Variants in ULK4 observed in about 807,000 individuals in gnomAD.
ULK4 encodes the protein unc-51 like kinase 4, also known as inactive serine/threonine-protein kinase ULK4.
In ULK4, 133 loss-of-function variants were observed where a neutral mutation model predicts 160.6. The observed-to-expected ratio is 0.83, with a 90% CI of 0.72 to 0.96. The LOEUF (loss-of-function observed/expected upper bound fraction) is 0.96, where lower values mean the gene tolerates loss of function less well. Ranked by LOEUF, ULK4 falls within the 40% of genes least tolerant of loss-of-function variation. ULK4 has a pLI of 0.00. For missense variants in ULK4, 1,580 were observed against 1,499.5 expected (o/e 1.05, Z -0.89); for synonymous variants, 534 against 539.8 (o/e 0.99, Z 0.15).
At position 41,279,572 on chromosome 3, in the gene ULK4, T is replaced by G. The variant is rs200145475; in HGVS notation, c.3679-29998A>C. 0.014 allele frequency among the ~76,000 whole-genome samples: 13 copies of G among 948 alleles called. No individual in the cohort carries two copies. In the East Asian group the frequency reaches 0.21, roughly 15 times the overall value. The allele number at this position is 948 out of a possible 152,430, so 0.6% of individuals were successfully genotyped here. On this transcript the variant is annotated intron_variant, in intron 35 of 36. Coordinates refer to ENST00000301831, the MANE Select transcript of ULK4 (RefSeq NM_017886.4). ...GGACAGCTAGAGAGAAAGGTCGGGT[T>G]ACCCCCAAAGGAAGCCCATCAGACT...
At position 41,438,975 on chromosome 3, in the gene ULK4, AT is replaced by A. The variant is rs1316070622; in HGVS notation, c.3492+16521del. ...ACTGCACAAATAAAACACCAGGAAA[AT>A]TTAAAAAAAAAAAAAAAAAGGAAAA... On this transcript the variant is annotated intron_variant, in intron 34 of 36. Coordinates refer to ENST00000301831, the MANE Select transcript of ULK4 (RefSeq NM_017886.4). 3.1e-3 allele frequency among the ~76,000 whole-genome samples: 415 copies of A among 134,144 alleles called. 3 individuals carry two copies. The highest frequency in any genetic ancestry group is 8.3e-3 in the Admixed American group (120 of 14,388). 88.0% of individuals were successfully genotyped at this position (134,144 alleles called of 152,430 possible). A position where few individuals can be genotyped will look rare whatever the true frequency, so the allele number is the denominator to read the frequency against.
At position 41,312,114 on chromosome 3, in the gene ULK4, A is replaced by G. The variant is rs147939498; in HGVS notation, c.3679-62540T>C. ...TCAGCCTCCTGATTAGCTGGGGCTTACAGATATGTACTACCAAACATGGCT... is the reference window on the plus strand; with the variant it reads ...TCAGCCTCCTGATTAGCTGGGGCTTGCAGATATGTACTACCAAACATGGCT... On this transcript the variant is annotated intron_variant, in intron 35 of 36. Coordinates refer to ENST00000301831, the MANE Select transcript of ULK4 (RefSeq NM_017886.4). 1.0e-3 allele frequency among the ~76,000 whole-genome samples: 159 copies of G among 151,956 alleles called. No individual in the cohort carries two copies. The South Asian group carries it at 0.016, about 15-fold the overall frequency.
At chr3:41,472,573 GA>G (rs796797629) in intron 32 of ULK4, among the ~76,000 whole-genome samples, 3,931 of 89,532 alleles carry the variant, frequency 0.044, 146 homozygotes, top group African/African-American at 0.13. Context: ...TCAAAAAAAA[GA>G]AAAAAAAAAA....
At chr3:41,583,365 C>T (rs191625798) in intron 31 of ULK4, among the ~76,000 whole-genome samples, 6 of 152,228 alleles carry the variant, frequency 3.9e-5, no homozygotes, top group African/African-American at 1.4e-4. Context: ...ATAAATAAGT[C>T]TCATTTATTT....
chr3:41,738,598 G>T (rs2038133873), intron 22 of ULK4, among the ~76,000 whole-genome samples: 1 of 151,874 alleles, frequency 6.6e-6, no homozygotes, highest in Non-Finnish European at 1.5e-5. Flanking sequence ...AGATACATGA[G>T]AGAGCAATAA....
rs182430132 is a variant in ULK4 at position 41,354,313 on chromosome 3, G to T, written c.3678+43766C>A. Among the ~76,000 whole-genome samples the T allele has an allele frequency of 3.6e-3, 547 of 152,282 alleles. 3 individuals are homozygous for T. Among genetic ancestry groups the T allele is most frequent in the African/African-American group, 0.012 (514 of 41,554 alleles). ...GAACTCATGGAGAGGGGCCTTATGA[G>T]ACCATGGAGTCCAATCTGCTTTTAT... On this transcript the variant is annotated intron_variant, in intron 35 of 36. Transcript: ENST00000301831.
intron 30 of ULK4, among the ~76,000 whole-genome samples, chr3:41,661,711 A>G (rs1015096518): frequency 4.6e-5 from 7 of 152,196 alleles, no homozygotes; most frequent in African/African-American, 1.7e-4. Flanking sequence ...GTTAGAATTT[A>G]AGGCAAAAAC....
At chr3:41,527,464 T>C (rs1490714403) in intron 32 of ULK4, among the ~76,000 whole-genome samples, 1 of 152,260 alleles carries the variant, frequency 6.6e-6, no homozygotes, top group Non-Finnish European at 1.5e-5. Flanking sequence ...GGGTATACTA[T>C]TATTATCCTA....
chr3:41,361,462 C>A (rs1023886323), intron 35 of ULK4, among the ~76,000 whole-genome samples: 6 of 152,198 alleles, frequency 3.9e-5, no homozygotes, highest in African/African-American at 1.4e-4. Flanking sequence ...TAGGATCAGG[C>A]CTGACAGTGG....
intron 29 of ULK4, among the ~76,000 whole-genome samples, chr3:41,676,172 A>G (rs1468589236): frequency 1.3e-5 from 2 of 152,244 alleles, no homozygotes; most frequent in Non-Finnish European, 2.9e-5. Context: ...ATGGTGATTT[A>G]TGTATCAACA....
intron 20 of ULK4, among the ~76,000 whole-genome samples, 176 bp from the exon 21 acceptor site, chr3:41,790,019 G>C (rs892286399): frequency 2.6e-5 from 4 of 152,130 alleles, no homozygotes; most frequent in African/African-American, 7.2e-5. Flanking sequence ...AAAACAATCT[G>C]CCTGCCAATA....
At chr3:41,806,451 A>T (rs1477356045) in intron 19 of ULK4, among the ~76,000 whole-genome samples, 1 of 151,846 alleles carries the variant, frequency 6.6e-6, no homozygotes, top group East Asian at 1.9e-4. Flanking sequence ...GGATTCATTA[A>T]TTTTTTCAAG....
At chr3:41,422,559 T>C (rs2082685353) in intron 34 of ULK4, among the ~76,000 whole-genome samples, 2 of 150,870 alleles carry the variant, frequency 1.3e-5, no homozygotes, top group Admixed American at 6.6e-5. Flanking sequence ...AATGCCTTAA[T>C]GTTACACATA....
intron 35 of ULK4, among the ~76,000 whole-genome samples, chr3:41,381,700 C>T (rs1469879300): frequency 6.6e-6 from 1 of 152,142 alleles, no homozygotes; most frequent in African/African-American, 2.4e-5. Context: ...AACCCCCTGA[C>T]ATGTATCTCT....
chr3:41,668,114 G>A (rs1232908318), intron 29 of ULK4, among the ~76,000 whole-genome samples: 1 of 152,146 alleles, frequency 6.6e-6, no homozygotes, highest in Non-Finnish European at 1.5e-5. Context: ...AGAAGGAACT[G>A]TATAATAAAG....
chr3:41,283,806 A>C (rs56811273), intron 35 of ULK4, among the ~76,000 whole-genome samples: 37,654 of 151,260 alleles, frequency 0.25, 6,948 homozygotes, highest in African/African-American at 0.52. Context: ...ACAAAAAAAA[A>C]CCCTAAAGAC....
intron 2 of ULK4, among the ~76,000 whole-genome samples, chr3:41,954,190 A>G (rs1559674644): frequency 1.3e-5 from 2 of 150,376 alleles, no homozygotes; most frequent in African/African-American, 4.9e-5. Flanking sequence ...AAAAAAAAAA[A>G]AAAAAGAAAA....
At chr3:41,737,352 A>G (rs964846586) in intron 22 of ULK4, among the ~76,000 whole-genome samples, 3 of 151,990 alleles carry the variant, frequency 2.0e-5, no homozygotes, top group African/African-American at 7.3e-5. Context: ...CCACTGCTCA[A>G]TGAAATTAAA....
intron 32 of ULK4, among the ~76,000 whole-genome samples, chr3:41,522,302 G>T (rs2085959307): frequency 6.6e-6 from 1 of 151,374 alleles, no homozygotes; most frequent in South Asian, 2.1e-4. Context: ...ATCACACTCA[G>T]CTAATTTTTG....
Sources: gnomAD v4.1 joint callset for allele counts (sites outside exome capture counted in the v4.1 genomes callset) on GRCh38, gnomAD v4.1.1 for gene constraint, MANE v1.5 for transcripts, NCBI Gene and HGNC (gene_info 2026-07-23, HGNC 2026-07-21) for gene names.